VAT1L: variants seen among roughly 807,000 people sequenced by gnomAD.
The protein encoded by VAT1L is vesicle amine transport 1 like, also known as putative NADPH-dependent quinone oxidoreductase VAT1L.
VAT1L carries 34 observed loss-of-function variants against 44.1 expected under a neutral mutation model. The observed-to-expected ratio is 0.77, with a 90% CI of 0.59 to 1.03. The LOEUF is 1.03. VAT1L is among the 50% of genes least tolerant of loss of function. The pLI is 0.00. For synonymous variants in VAT1L, 253 were observed against 202.2 expected (o/e 1.25, Z -2.13); for missense variants, 615 against 538.8 (o/e 1.14, Z -1.40).
intron 1 of VAT1L, among the ~76,000 whole-genome samples, chr16:77,807,919 C>A (rs566120753): frequency 6.6e-6 from 1 of 152,082 alleles, no homozygotes; most frequent in Non-Finnish European, 1.5e-5. Flanking sequence ...TGGAATAATT[C>A]TTTGGGGAGA....
At chr16:77,924,188 T>C (rs1305037210) in intron 7 of VAT1L, among the ~76,000 whole-genome samples, 1 of 152,048 alleles carries the variant, frequency 6.6e-6, no homozygotes, top group East Asian at 1.9e-4. Flanking sequence ...TTGTGGTCTT[T>C]GAAAGTCTGA....
At chr16:77,901,153 C>CTTTTTTTTTT (rs538577571) in intron 7 of VAT1L, among the ~76,000 whole-genome samples, 1 of 89,992 alleles carries the variant, frequency 1.1e-5, no homozygotes, top group African/African-American at 4.8e-5. Context: ...AGTAGTTTAC[C>CTTTTTTTTTT]TTTTTTTTTT....
At chr16:77,890,022 G>A (rs552812863) in intron 7 of VAT1L, among the ~76,000 whole-genome samples, 37 of 152,300 alleles carry the variant, frequency 2.4e-4, no homozygotes, top group African/African-American at 8.2e-4. Context: ...GGGAGGTGGA[G>A]GTTGTAGTGT....
chr16:77,854,335 C>G (rs898056602), intron 3 of VAT1L, among the ~76,000 whole-genome samples: 1 of 152,158 alleles, frequency 6.6e-6, no homozygotes, highest in Non-Finnish European at 1.5e-5. Flanking sequence ...AAAAGAAAAA[C>G]TGACTGATGC....
chr16:77,965,642 C>A (rs2018215070), intron 7 of VAT1L, among the ~76,000 whole-genome samples: 1 of 152,178 alleles, frequency 6.6e-6, no homozygotes, highest in Non-Finnish European at 1.5e-5. Flanking sequence ...GCATCCCAGA[C>A]TGGGTGTGGG....
chr16:77,869,084 A>T (rs192515472), intron 4 of VAT1L, among the ~76,000 whole-genome samples: 1 of 152,254 alleles, frequency 6.6e-6, no homozygotes, highest in African/African-American at 2.4e-5. Context: ...TCTGGCTGCC[A>T]TGTACAGGAA....
At chr16:77,975,869 G>A (rs528491477) in intron 8 of VAT1L, among the ~76,000 whole-genome samples, 1 of 152,312 alleles carries the variant, frequency 6.6e-6, no homozygotes, top group South Asian at 2.1e-4. Context: ...AATAGAGGTG[G>A]CCTTTCCTGA....
chr16:77,958,031 C>G (rs990107609), intron 7 of VAT1L, among the ~76,000 whole-genome samples: 2 of 152,072 alleles, frequency 1.3e-5, no homozygotes, highest in Non-Finnish European at 2.9e-5. Context: ...CTTCTGCCTT[C>G]CAAGTAGCTG....
intron 5 of VAT1L, among the ~76,000 whole-genome samples, chr16:77,877,925 G>C (rs561763229): frequency 1.0e-3 from 159 of 152,280 alleles, no homozygotes; most frequent in Non-Finnish European, 1.8e-3. Flanking sequence ...TTATCAGTGA[G>C]AGTCCCTGCA....
chr16:77,945,014 G>A (rs1244075981), intron 7 of VAT1L, among the ~76,000 whole-genome samples: 1 of 152,184 alleles, frequency 6.6e-6, no homozygotes, highest in Non-Finnish European at 1.5e-5. Context: ...AATGAAGAAT[G>A]ATGAGGCTAA....
intron 7 of VAT1L, among the ~76,000 whole-genome samples, chr16:77,888,976 C>T (rs111378649): frequency 2.6e-5 from 4 of 152,348 alleles, no homozygotes; most frequent in African/African-American, 7.2e-5. Flanking sequence ...TCTGCAATAT[C>T]TACAGACATC....
intron 7 of VAT1L, among the ~76,000 whole-genome samples, chr16:77,886,349 G>A (rs1185318041): frequency 6.6e-6 from 1 of 152,148 alleles, no homozygotes; most frequent in Non-Finnish European, 1.5e-5. Context: ...GGTCAGGAAG[G>A]AGAGAAAACG....
chr16:77,946,385 A>G (rs2142518438), intron 7 of VAT1L, among the ~76,000 whole-genome samples: 1 of 141,474 alleles, frequency 7.1e-6, no homozygotes, highest in East Asian at 2.3e-4. Context: ...CCAGGTTCAC[A>G]CCATTCTCCT....
chr16:77,855,574 A>T (rs896400387), intron 3 of VAT1L, among the ~76,000 whole-genome samples: 1 of 152,180 alleles, frequency 6.6e-6, no homozygotes, highest in East Asian at 1.9e-4. Flanking sequence ...TGGTGCTCTC[A>T]TTCTCATGGT....
chr16:77,967,377 T>C (rs539876820), intron 7 of VAT1L, among the ~76,000 whole-genome samples: 2 of 152,294 alleles, frequency 1.3e-5, no homozygotes, highest in East Asian at 1.9e-4. Flanking sequence ...TGTGTGTGGA[T>C]AAAAGGAAGC....
chr16:77,906,993 T>C (rs1478538044), intron 7 of VAT1L, among the ~76,000 whole-genome samples: 11 of 152,146 alleles, frequency 7.2e-5, no homozygotes, highest in Non-Finnish European at 1.3e-4. Flanking sequence ...CCTATGAAGT[T>C]GGTTACATCT....
intron 8 of VAT1L, among the ~76,000 whole-genome samples, chr16:77,974,607 G>C (rs1214783837): frequency 6.6e-6 from 1 of 152,160 alleles, no homozygotes. Context: ...CTGTCACCCA[G>C]GCTTGAGGGC....
At chr16:77,818,537 A>C (rs1051786658) in intron 2 of VAT1L, among the ~76,000 whole-genome samples, 1 of 152,208 alleles carries the variant, frequency 6.6e-6, no homozygotes, top group Admixed American at 6.5e-5. Flanking sequence ...CAAAGAAAAG[A>C]TCATGCAGCT....
At chr16:77,805,122 T>C (rs527391149) in intron 1 of VAT1L, among the ~76,000 whole-genome samples, 1 of 152,286 alleles carries the variant, frequency 6.6e-6, no homozygotes, top group South Asian at 2.1e-4. Context: ...CAGCCTCTGA[T>C]TGAACACAGG....
Sources: allele counts gnomAD v4.1 joint callset (sites outside exome capture counted in the v4.1 genomes callset), GRCh38; gene constraint gnomAD v4.1.1; transcripts MANE v1.5; gene names NCBI Gene and HGNC (gene_info 2026-07-23, HGNC 2026-07-21).